Variants in PPP1R16B observed in about 807,000 individuals in gnomAD.
PPP1R16B encodes the protein protein phosphatase 1 regulatory inhibitor subunit 16B.
Under a neutral mutation model 61.7 loss-of-function variants are expected in PPP1R16B, and 14 were observed. That is an observed-to-expected ratio of 0.23 (90% CI 0.15 to 0.35). The LOEUF is 0.35. PPP1R16B is among the 10% of genes least tolerant of loss of function. The pLI is 1.00. For missense variants in PPP1R16B, 547 were observed against 752.5 expected (o/e 0.73, Z 3.19); for synonymous variants, 266 against 305.3 (o/e 0.87, Z 1.34).
intron 2 of PPP1R16B, among the ~76,000 whole-genome samples, chr20:38,873,655 C>G (rs1568669608): frequency 6.6e-6 from 1 of 152,084 alleles, no homozygotes; most frequent in Non-Finnish European, 1.5e-5. Context: ...GGTCTTTTCA[C>G]AGGACTGCTA....
chr20:38,906,223 A>C, intron 7 of PPP1R16B, 129 bp downstream of exon 7: 9 of 857,276 alleles, frequency 1.0e-5, no homozygotes, highest in Non-Finnish European at 1.1e-5. Context: ...AATATAGCTC[A>C]TATGTGGGAT....
chr20:38,838,511 G>T (rs1216935412), intron 2 of PPP1R16B: 1 of 152,286 alleles, frequency 6.6e-6, no homozygotes, highest in Admixed American at 6.5e-5. Flanking sequence ...AAAGCCTGGG[G>T]TGAGCAGCCT....
intron 2 of PPP1R16B, among the ~76,000 whole-genome samples, chr20:38,837,387 AT>A (rs1568657707): frequency 6.6e-6 from 1 of 152,130 alleles, no homozygotes; most frequent in African/African-American, 2.4e-5. Context: ...AGTATATTTT[AT>A]TTACATTATC....
chr20:38,856,170 G>A (rs2085007902), intron 2 of PPP1R16B, among the ~76,000 whole-genome samples: 1 of 151,792 alleles, frequency 6.6e-6, no homozygotes, highest in African/African-American at 2.4e-5. Flanking sequence ...AAGCAGGTAA[G>A]GTGATGGGAA....
At chr20:38,842,878 GA>G (rs1276270782) in intron 2 of PPP1R16B, among the ~76,000 whole-genome samples, 1 of 150,588 alleles carries the variant, frequency 6.6e-6, no homozygotes, top group African/African-American at 2.4e-5. Flanking sequence ...TAGAAGTACA[GA>G]AAAAAAGAAG....
At chr20:38,889,764 G>C in intron 3 of PPP1R16B, 99 bp downstream of exon 3, 1 of 1,242,728 alleles carries the variant, frequency 8.0e-7, no homozygotes, top group Non-Finnish European at 1.2e-6. Context: ...TCAGGGAGGA[G>C]GGAATGAGGG....
rs1277051913 is a variant in PPP1R16B, at chr20:38,860,156, TG to T, written c.250+23985del. ...GCTAATTTTGTATTTTTAGTAGACA[TG>T]GGGTTTCACCGTGTTGGTCAGGCTG... On this transcript the variant is annotated intron_variant, in intron 2 of 10. Transcript: ENST00000299824. Among the ~76,000 whole-genome samples, 28 of 152,252 alleles carry T rather than the reference TG, an allele frequency of 1.8e-4. No individual in the cohort carries two copies. In the East Asian group the frequency reaches 5.2e-3, roughly 28 times the overall value.
chr20:38,862,369 G>T (rs550724124), intron 2 of PPP1R16B, among the ~76,000 whole-genome samples: 18 of 152,336 alleles, frequency 1.2e-4, no homozygotes, highest in African/African-American at 3.6e-4. Context: ...TTATGGAAGA[G>T]GAAGCTGAGG....
At chr20:38,873,504 C>T (rs1434135719) in intron 2 of PPP1R16B, among the ~76,000 whole-genome samples, 3 of 152,184 alleles carry the variant, frequency 2.0e-5, no homozygotes, top group Admixed American at 1.3e-4. Flanking sequence ...GTCAGGAACC[C>T]GGGGTCGCTG....
In PPP1R16B at chr20:38,889,617, G is replaced by C. The variant is rs35388334; in HGVS notation, c.273G>C (p.Lys91Asn). 6.3e-7 allele frequency: 1 copy of C among 1,596,386 alleles called. No homozygotes were observed. Among genetic ancestry groups the C allele is most frequent in the Non-Finnish European group, 8.6e-7 (1 of 1,163,762 alleles). The change falls in exon 3 of 11, where the codon AAG (lysine) becomes AAC (asparagine). Residue 91 changes from lysine to asparagine, a missense_variant. Transcript: ENST00000299824. ...AEEVRYFLKN[K>N]VSPDLCNEDG... is the part of the protein sequence containing the mutation. ...CAGTACGCTACTTCCTGAAGAATAA[G>C]GTCAGCCCTGATTTGTGCAATGAGG... is the stretch of plus-strand genomic sequence containing the variant.
rs1380033417 is a variant in PPP1R16B at position 38,835,951 on chromosome 20, C to T, written c.26C>T (p.Thr9Met). The T allele has an allele frequency of 8.4e-6, 13 of 1,544,428 alleles. No individual in the cohort carries two copies. The highest frequency in any genetic ancestry group is 1.1e-5 in the Non-Finnish European group (13 of 1,146,370). Reference sequence around the variant, plus strand: ...ATGGCCAGTCACGTGGACCTGCTGACGGAGCTGCAGCTGCTGGAGAAGGTG... The same window carrying T: ...ATGGCCAGTCACGTGGACCTGCTGATGGAGCTGCAGCTGCTGGAGAAGGTG... MASHVDLL[T>M]ELQLLEKVPT... is the part of the protein sequence containing the mutation. The change falls in exon 2 of 11, where the codon ACG becomes ATG. Residue 9 changes from threonine (T) to methionine (M), a missense_variant. Transcript: ENST00000299824.
intron 6 of PPP1R16B, among the ~76,000 whole-genome samples, chr20:38,903,604 TCCA>T (rs2085415899): frequency 6.6e-6 from 1 of 151,470 alleles, no homozygotes; most frequent in African/African-American, 2.4e-5. Context: ...CATCCATCCA[TCCA>T]TCCATCCATC....
chr20:38,815,915 T>C (rs539681481), intron 1 of PPP1R16B, among the ~76,000 whole-genome samples: 6 of 152,314 alleles, frequency 3.9e-5, no homozygotes, highest in South Asian at 2.1e-4. Flanking sequence ...AGAGCAAAAC[T>C]GTATGGTTCA....
At chr20:38,912,952 C>T (rs980178666) in intron 10 of PPP1R16B, among the ~76,000 whole-genome samples, 1 of 152,212 alleles carries the variant, frequency 6.6e-6, no homozygotes, top group Non-Finnish European at 1.5e-5. Context: ...TCACTATAGC[C>T]TCTGCCTCCC....
chr20:38,903,579 GTCCA>G (rs1158511381), intron 6 of PPP1R16B, among the ~76,000 whole-genome samples: 510 of 97,388 alleles, frequency 5.2e-3, no homozygotes, highest in East Asian at 0.023. Flanking sequence ...CCGTCCGTCC[GTCCA>G]TCCATCCATC....
intron 4 of PPP1R16B, 26 bp downstream of exon 4, chr20:38,895,736 C>T: frequency 6.2e-7 from 1 of 1,610,146 alleles, no homozygotes; most frequent in Non-Finnish European, 8.5e-7. Flanking sequence ...TGCCCCAGAG[C>T]AGCCTCCCTC....
At position 38,907,867 on chromosome 20, in the gene PPP1R16B, G is replaced by A; in HGVS notation, c.960G>A (p.Val320=). ...LLLELKHKHD[V]IMKSQLRHKS... ...TGGAGCTAAAACACAAGCATGATGT[G>A]ATCATGAAGTCACAGCTGAGGCACA... is the stretch of plus-strand genomic sequence containing the variant. The change falls in exon 9 of 11, where the codon GTG becomes GTA. Residue 320 remains valine (V), a synonymous_variant. Coordinates refer to ENST00000299824, the MANE Select transcript of PPP1R16B (RefSeq NM_015568.4). This position sits in a 1 kb window ranked among gnomAD's most constrained non-coding sequence, Gnocchi z 4.5. 6.2e-7 allele frequency: 1 copy of A among 1,614,194 alleles called. No individual in the cohort carries two copies. The highest frequency in any genetic ancestry group is 2.2e-5 in the East Asian group (1 of 44,888).
intron 2 of PPP1R16B, among the ~76,000 whole-genome samples, chr20:38,875,078 G>C (rs568127878): frequency 5.3e-5 from 8 of 152,180 alleles, no homozygotes; most frequent in Non-Finnish European, 1.2e-4. Context: ...GTGAGGATAC[G>C]AGGGTTGAAG....
At chr20:38,882,121 G>A (rs963719264) in intron 2 of PPP1R16B, among the ~76,000 whole-genome samples, 1 of 152,190 alleles carries the variant, frequency 6.6e-6, no homozygotes, top group African/African-American at 2.4e-5. Context: ...TGGATATGAA[G>A]GGCTTAACAC....
Sources: allele counts gnomAD v4.1 joint callset (sites outside exome capture counted in the v4.1 genomes callset), GRCh38; gene constraint gnomAD v4.1.1; non-coding constraint Gnocchi (gnomAD v3.1); transcripts MANE v1.5; gene names NCBI Gene and HGNC (gene_info 2026-07-23, HGNC 2026-07-21).